PLXND1: variants seen among roughly 807,000 people sequenced by gnomAD.
PLXND1 encodes the protein plexin-D1.
A neutral mutation model predicts 197.7 loss-of-function variants in PLXND1; 54 were observed. The observed-to-expected ratio is 0.27, with a 90% CI of 0.22 to 0.34. The LOEUF is 0.34. PLXND1 is among the 10% of genes least tolerant of loss of function. The pLI, the probability that PLXND1 is intolerant of heterozygous loss-of-function variation, is 1.00. For missense variants in PLXND1, 2,127 were observed against 2,699.2 expected, an observed-to-expected ratio of 0.79 and a Z score of 4.70; for synonymous variants, 1,180 against 1,161.2, an observed-to-expected ratio of 1.02 and a Z score of -0.33.
chr3:129,605,079 G>GGT (rs1256466288), intron 1 of PLXND1, among the ~76,000 whole-genome samples: 1 of 152,186 alleles, frequency 6.6e-6, no homozygotes, highest in Non-Finnish European at 1.5e-5. Context: ...AGTACGCCTA[G>GGT]GTATGCGCGC....
At chr3:129,600,841 T>C (rs1298234840) in intron 1 of PLXND1, among the ~76,000 whole-genome samples, 1 of 151,974 alleles carries the variant, frequency 6.6e-6, no homozygotes, top group African/African-American at 2.4e-5. Flanking sequence ...TGCAAAAAAA[T>C]GTCTTCTTGA....
In PLXND1 at chr3:129,570,053, C is replaced by G. The variant is rs1467755978; in HGVS notation, c.3751-96G>C. ...GTGTGGCCCTGGGTAAATTACCTAACCTCTCTGAGCCTCAGGTGCCACACT... is the reference window on the plus strand; with the variant it reads ...GTGTGGCCCTGGGTAAATTACCTAAGCTCTCTGAGCCTCAGGTGCCACACT... On this transcript the variant is annotated intron_variant, in intron 19 of 35. Transcript: ENST00000324093. 3 of 714,070 alleles carry G rather than the reference C, an allele frequency of 4.2e-6. No homozygotes were observed. In the African/African-American group the frequency reaches 5.2e-5, roughly 12 times the overall value. The allele number at this position is 714,070 out of a possible 1,614,324, so 44.2% of individuals were successfully genotyped here.
chr3:129,583,445 A>G, intron 8 of PLXND1, 122 bp downstream of exon 8: 2 of 652,770 alleles, frequency 3.1e-6, no homozygotes, highest in Admixed American at 2.6e-5. Flanking sequence ...TGAGCCCCAT[A>G]TAGCTGTCAA....
chr3:129,573,833 C>T, intron 12 of PLXND1, 88 bp from the exon 13 acceptor site: 2 of 1,432,796 alleles, frequency 1.4e-6, no homozygotes, highest in South Asian at 1.3e-5. Context: ...CCCAGCAGGG[C>T]ACAGCCGTGC....
At chr3:129,597,575 C>T (rs2085645865) in intron 1 of PLXND1, among the ~76,000 whole-genome samples, 2 of 152,164 alleles carry the variant, frequency 1.3e-5, no homozygotes, top group African/African-American at 4.8e-5. Context: ...GAGCTGCGAG[C>T]TTCCCTCCCC....
rs141745550 is a variant in PLXND1 at position 129,592,523 on chromosome 3, C to A, written c.1312-2996G>T. 3.0e-3 allele frequency among the ~76,000 whole-genome samples: 463 copies of A among 152,234 alleles called. 3 individuals are homozygous for A. Among genetic ancestry groups the A allele is most frequent in the African/African-American group, 0.01 (431 of 41,534 alleles). On this transcript the variant is annotated intron_variant, in intron 1 of 35. Coordinates refer to ENST00000324093, the MANE Select transcript of PLXND1 (RefSeq NM_015103.3). The stretch of plus-strand genomic sequence containing the variant: ...GCCAGGGTGGGGTCCTGGGAAAAGG[C>A]GGACCAGGCGCCCAGCTCGGGGTGA...
Position 129,557,021 on chromosome 3 carries a change from GCCCCCGA to G in PLXND1, c.5586+55_5586+61del, listed in dbSNP as rs1560056121. ...ACTCCAGTGGAGGCATTGAGGCCCA[GCCCCCGA>G]CCCCCGATCCCTCAGCTCTTCAGGC... On this transcript the variant is annotated intron_variant, in intron 34 of 35. Coordinates refer to ENST00000324093, the MANE Select transcript of PLXND1 (RefSeq NM_015103.3). The surrounding 1 kb of genome is among the most constrained non-coding windows in gnomAD (Gnocchi z 4.8). The G allele has an allele frequency of 1.3e-6, 2 of 1,574,622 alleles. No individual in the cohort carries two copies. The highest frequency in any genetic ancestry group is 4.5e-5 in the East Asian group (2 of 44,700).
chr3:129,595,027 G>C (rs1393789656), intron 1 of PLXND1, among the ~76,000 whole-genome samples: 1 of 152,028 alleles, frequency 6.6e-6, no homozygotes, highest in Admixed American at 6.6e-5. Flanking sequence ...CTCAGCCCCC[G>C]TCCCCGCCAA....
rs889333181 is a variant in PLXND1, at chr3:129,605,415, C to A, written c.1225G>T (p.Val409Leu). Residue 409 changes from valine to leucine, a missense_variant, in exon 1 of 36, where the codon GTG (valine) becomes TTG (leucine). Coordinates refer to ENST00000324093, the MANE Select transcript of PLXND1 (RefSeq NM_015103.3). ...AIRAARTACF[V>L]EPAPDVVAVL... Reference sequence around the variant, plus strand: ...GCCACCACGTCGGGCGCCGGTTCCACGAAGCAGGCGGTGCGCGCAGCTCGG... The same window carrying A: ...GCCACCACGTCGGGCGCCGGTTCCAAGAAGCAGGCGGTGCGCGCAGCTCGG... 3 of 1,500,674 alleles carry A rather than the reference C, an allele frequency of 2.0e-6. No homozygotes were observed. Among genetic ancestry groups the A allele is most frequent in the African/African-American group, 2.9e-5 (2 of 68,616 alleles). 93.0% of individuals were successfully genotyped at this position (1,500,674 alleles called of 1,614,324 possible). A position where few individuals can be genotyped will look rare whatever the true frequency, so the allele number is the denominator to read the frequency against.
intron 1 of PLXND1, 39 bp downstream of exon 1, chr3:129,605,290 G>A: frequency 1.5e-6 from 1 of 683,014 alleles, no homozygotes; most frequent in Non-Finnish European, 1.9e-6. Flanking sequence ...CGCCCCCGCC[G>A]CCGCCGCCGC....
At chr3:129,586,108 C>T in intron 4 of PLXND1, 27 bp from the exon 5 acceptor site, 2 of 1,613,404 alleles carry the variant, frequency 1.2e-6, no homozygotes, top group South Asian at 1.1e-5. Flanking sequence ...GGGTCAGGAC[C>T]CAGGTCAGCT....
rs1399605966 is a variant in PLXND1, at chr3:129,605,967, G to A, written c.673C>T (p.Arg225Cys). 1 of 1,612,052 alleles carries A rather than the reference G, an allele frequency of 6.2e-7. No homozygotes were observed. The highest frequency in any genetic ancestry group is 8.5e-7 in the Non-Finnish European group (1 of 1,179,794). ...TCGAAGCGGTGGTCCTCCAGGCTGC[G>A]GTTGCGCGGGAAGAAGGAGCTGCCG... ...GYGSSFFPRN[R>C]SLEDHRFENT... Residue 225 changes from arginine to cysteine, a missense_variant, in exon 1 of 36, where the codon CGC (arginine) becomes TGC (cysteine). Arg to Cys is a radical substitution (Grantham distance 180). This residue lies in a region of PLXND1 where 1,095 missense variants were observed against 1,259.8 expected (regional missense o/e 0.87). Coordinates refer to ENST00000324093, the MANE Select transcript of PLXND1 (RefSeq NM_015103.3).
chr3:129,556,550 A>G (rs1236844968), intron 35 of PLXND1, 67 bp downstream of exon 35: 14 of 1,361,108 alleles, frequency 1.0e-5, no homozygotes, highest in Admixed American at 3.4e-5. Context: ...AAGCACCCTG[A>G]GATGTGTGTC....
intron 2 of PLXND1, among the ~76,000 whole-genome samples, chr3:129,588,823 G>C (rs1211954857): frequency 6.6e-6 from 1 of 152,252 alleles, no homozygotes; most frequent in Non-Finnish European, 1.5e-5. Flanking sequence ...CCCAGCTCCA[G>C]GAATCTCGGG....
chr3:129,571,893 C>T, intron 15 of PLXND1, 49 bp from the exon 16 acceptor site: 1 of 1,528,638 alleles, frequency 6.5e-7, no homozygotes, highest in African/African-American at 1.4e-5. Context: ...TGCTGCTCAC[C>T]CACCGCCAAT....
Position 129,605,677 on chromosome 3 carries a change from G to A in PLXND1, c.963C>T (p.Ile321=), listed in dbSNP as rs1478383236. The part of the protein sequence containing the change: ...ESQARSLLAR[I]CLPHGAGGDA... ...CGCCGCCGGCGCCGTGGGGCAGGCA[G>A]ATGCGCGCCAGCAGGCTCCGCGCCT... is the stretch of plus-strand genomic sequence containing the variant. Residue 321 remains isoleucine (I), a synonymous_variant, in exon 1 of 36, where the codon ATC becomes ATT. Transcript: ENST00000324093. 7.2e-6 allele frequency: 11 copies of A among 1,537,628 alleles called. No homozygotes were observed. The highest frequency in any genetic ancestry group is 8.7e-6 in the Non-Finnish European group (10 of 1,145,078).
intron 19 of PLXND1, chr3:129,570,563 C>T: frequency 1.7e-6 from 1 of 584,996 alleles, no homozygotes; most frequent in Non-Finnish European, 3.0e-6. Context: ...TCTGATGGTC[C>T]AGGTCCAGAT....
In PLXND1 at chr3:129,589,414, G is replaced by A. The variant is rs1175665473; in HGVS notation, c.1425C>T (p.Ala475=). ...VFRAPGLTSV[A]VASVNNYTAV... Reference sequence around the variant, plus strand: ...CTGTGTAGTTGTTGACGCTGGCCACGGCCACGGAGGTGAGGCCCGGGGCGC... The same window carrying A: ...CTGTGTAGTTGTTGACGCTGGCCACAGCCACGGAGGTGAGGCCCGGGGCGC... Residue 475 remains alanine, a synonymous_variant, in exon 2 of 36, where the codon GCC becomes GCT. Transcript: ENST00000324093. 20 of 1,597,248 alleles carry A rather than the reference G, an allele frequency of 1.3e-5. No homozygotes were observed. The highest frequency in any genetic ancestry group is 3.3e-5 in the South Asian group (3 of 90,652).
At chr3:129,599,690 C>T (rs896036861) in intron 1 of PLXND1, among the ~76,000 whole-genome samples, 1 of 152,224 alleles carries the variant, frequency 6.6e-6, no homozygotes, top group Non-Finnish European at 1.5e-5. Flanking sequence ...CAGCCCCCAT[C>T]CCCCAGCATG....
Sources: gnomAD v4.1 joint callset for allele counts (sites outside exome capture counted in the v4.1 genomes callset) on GRCh38, gnomAD v4.1.1 for gene constraint, gnomAD v4.1.1 regional missense constraint, Gnocchi (gnomAD v3.1) non-coding constraint, MANE v1.5 for transcripts, NCBI Gene and HGNC (gene_info 2026-07-23, HGNC 2026-07-21) for gene names.